RBFOX1: variants seen among roughly 807,000 people sequenced by gnomAD.
RBFOX1 encodes the protein RNA binding fox-1 homolog 1.
Under a neutral mutation model 57.7 loss-of-function variants are expected in RBFOX1, and 8 were observed. That is an observed-to-expected ratio of 0.14 (90% CI 0.08 to 0.25). The LOEUF (loss-of-function observed/expected upper bound fraction) is 0.25, where lower values mean the gene tolerates loss of function less well. Among genes scored for constraint, RBFOX1 ranks in the 10% least tolerant of loss-of-function variants. RBFOX1 has a pLI of 1.00. For missense variants in RBFOX1, 611 were observed against 548.5 expected (o/e 1.11, Z -1.14); for synonymous variants, 326 against 222.4 (o/e 1.47, Z -4.15).
chr16:6,825,200 G>A (rs570136205), intron 3 of RBFOX1, among the ~76,000 whole-genome samples: 1 of 149,866 alleles, frequency 6.7e-6, no homozygotes, highest in South Asian at 2.2e-4. Flanking sequence ...GGGGGCTGAC[G>A]TGTTTTGGGA....
At chr16:5,990,921 A>C (rs1206888820) in intron 4 of RBFOX1, among the ~76,000 whole-genome samples, 8 of 152,130 alleles carry the variant, frequency 5.3e-5, no homozygotes, top group Non-Finnish European at 8.8e-5. Context: ...TTGCAGTGAG[A>C]TGAGCACACA....
At chr16:6,688,581 C>A (rs182838753) in intron 3 of RBFOX1, among the ~76,000 whole-genome samples, 268 of 152,276 alleles carry the variant, frequency 1.8e-3, no homozygotes, top group African/African-American at 5.9e-3. Context: ...TGAAGACTAC[C>A]AGAGGTGAAG....
rs572148702 is a variant in RBFOX1, at chr16:5,559,345, T to C, written c.259-39557T>C. ...TCTTAAGGATCATAGTAAACATTGATGTGGAAGCCATTTGTTTTGTAATCT... is the reference window on the plus strand; with the variant it reads ...TCTTAAGGATCATAGTAAACATTGACGTGGAAGCCATTTGTTTTGTAATCT... On this transcript the variant is annotated intron_variant, in intron 2 of 2. Coordinates refer to the RBFOX1 transcript ENST00000585867. Among the ~76,000 whole-genome samples, 4 of 152,278 alleles carry C rather than the reference T, an allele frequency of 2.6e-5. No homozygotes were observed. In the South Asian group the frequency reaches 8.3e-4, roughly 32 times the overall value.
chr16:5,392,374 A>C (rs185589365), intron 1 of RBFOX1, among the ~76,000 whole-genome samples: 50 of 152,278 alleles, frequency 3.3e-4, no homozygotes, highest in African/African-American at 1.2e-3. Flanking sequence ...ATCATCTGCA[A>C]AGGCCGTACT....
intron 3 of RBFOX1, among the ~76,000 whole-genome samples, chr16:5,754,407 T>A (rs2053325507): frequency 6.6e-6 from 1 of 151,998 alleles, no homozygotes; most frequent in African/African-American, 2.4e-5. Context: ...GGGTTGCCCC[T>A]ACACACCTGT....
rs759168284 is a variant in RBFOX1, at chr16:7,268,579, A to G, written c.27+216481A>G. ...CTTTGCAGCTAATAAAGAACAGATT[A>G]TGCGCTGGATGGTTTGCAGTTGGTG... On this transcript the variant is annotated intron_variant, in intron 4 of 15. Coordinates refer to ENST00000550418, the MANE Select transcript of RBFOX1 (RefSeq NM_018723.4). Among the ~76,000 whole-genome samples, 6 of 152,214 alleles carry G rather than the reference A, an allele frequency of 3.9e-5. No individual in the cohort carries two copies. The East Asian group carries it at 5.8e-4, about 15-fold the overall frequency.
intron 3 of RBFOX1, among the ~76,000 whole-genome samples, chr16:6,904,746 A>T (rs2069389884): frequency 6.6e-6 from 1 of 151,334 alleles, no homozygotes; most frequent in Admixed American, 6.6e-5. Flanking sequence ...CTCGCCTTGC[A>T]CCTGCTGGGA....
intron 3 of RBFOX1, among the ~76,000 whole-genome samples, chr16:6,928,495 T>G (rs1179044162): frequency 6.6e-6 from 1 of 152,148 alleles, no homozygotes; most frequent in Non-Finnish European, 1.5e-5. Flanking sequence ...AAGACTGCTT[T>G]CATGCGTTAA....
intron 13 of RBFOX1, among the ~76,000 whole-genome samples, chr16:7,669,452 G>C (rs2070646575): frequency 6.6e-6 from 1 of 152,224 alleles, no homozygotes; most frequent in African/African-American, 2.4e-5. Flanking sequence ...ACAATGGTAA[G>C]AGCAGAGAGA....
At chr16:7,265,973 T>G (rs1403074353) in intron 4 of RBFOX1, among the ~76,000 whole-genome samples, 20 of 135,740 alleles carry the variant, frequency 1.5e-4, no homozygotes, top group South Asian at 5.1e-4. Flanking sequence ...TGTTTTTTTT[T>G]TTTTTTTTTT....
chr16:7,251,527 C>T (rs1877018502), intron 4 of RBFOX1, among the ~76,000 whole-genome samples: 1 of 151,654 alleles, frequency 6.6e-6, no homozygotes. Flanking sequence ...TTTCCTGCCT[C>T]AGACTCCCAA....
intron 1 of RBFOX1, among the ~76,000 whole-genome samples, chr16:5,414,835 C>T (rs576252857): frequency 2.0e-5 from 3 of 152,124 alleles, no homozygotes; most frequent in Non-Finnish European, 2.9e-5. Context: ...TCACCATCCT[C>T]GGTGGGATTC....
intron 9 of RBFOX1, among the ~76,000 whole-genome samples, chr16:7,598,802 T>G (rs2094849926): frequency 6.6e-6 from 1 of 152,224 alleles, no homozygotes; most frequent in South Asian, 2.1e-4. Context: ...CTAATTCATT[T>G]CAGTGGTTAT....
At chr16:7,423,873 A>C (rs1186311044) in intron 4 of RBFOX1, among the ~76,000 whole-genome samples, 1 of 152,146 alleles carries the variant, frequency 6.6e-6, no homozygotes, top group Non-Finnish European at 1.5e-5. Flanking sequence ...CATTATGCAC[A>C]TGAGCTGTCT....
intron 9 of RBFOX1, among the ~76,000 whole-genome samples, chr16:7,606,696 A>G (rs1311730536): frequency 6.6e-6 from 1 of 152,266 alleles, no homozygotes. Context: ...AAGTTACCTT[A>G]GATATCATAC....
chr16:6,663,989 A>T (rs2098716938), intron 3 of RBFOX1, among the ~76,000 whole-genome samples: 4 of 152,216 alleles, frequency 2.6e-5, no homozygotes, highest in Non-Finnish European at 5.9e-5. Context: ...GACCAGGAAG[A>T]GTATTATGTC....
chr16:7,077,763 G>A (rs1314358559), intron 4 of RBFOX1, among the ~76,000 whole-genome samples: 3 of 152,176 alleles, frequency 2.0e-5, no homozygotes, highest in Non-Finnish European at 4.4e-5. Flanking sequence ...TGTCCTGTTA[G>A]CAGCTTTCCC....
At position 5,845,570 on chromosome 16, in the gene RBFOX1, G is replaced by A. The variant is rs537865872; in HGVS notation, c.319-21733G>A. Among the ~76,000 whole-genome samples, 12 of 152,340 alleles carry A rather than the reference G, an allele frequency of 7.9e-5. No individual in the cohort carries two copies. The South Asian group carries it at 2.5e-3, about 32-fold the overall frequency. On this transcript the variant is annotated intron_variant, in intron 3 of 19. Transcript: ENST00000641259. ...TGGTCCAGGTTGATGACCCGGGGCA[G>A]GTGGCCGAGCTTCTTCAAATTTCAC...
intron 2 of RBFOX1, among the ~76,000 whole-genome samples, chr16:5,486,629 C>T (rs1225070207): frequency 2.0e-5 from 3 of 152,106 alleles, no homozygotes; most frequent in African/African-American, 7.2e-5. Context: ...CTCTTTCTTC[C>T]CCCATTAGCT....
Sources: allele counts gnomAD v4.1 joint callset (sites outside exome capture counted in the v4.1 genomes callset), GRCh38; gene constraint gnomAD v4.1.1; transcripts MANE v1.5; gene names NCBI Gene and HGNC (gene_info 2026-07-23, HGNC 2026-07-21).